NTAQ1: variants seen among roughly 807,000 people sequenced by gnomAD.
NTAQ1 encodes the protein N-terminal glutamine amidase 1, also known as protein N-terminal glutamine amidohydrolase.
A neutral mutation model predicts 28.2 loss-of-function variants in NTAQ1; 21 were observed. The ratio of observed to expected loss-of-function variants is 0.74; its 90% CI spans 0.53 to 1.07. NTAQ1 has a LOEUF of 1.07. NTAQ1 is among the 50% of genes least tolerant of loss of function. The probability of loss-of-function intolerance (pLI) is 0.00; values close to 1 mark genes in which losing one functional copy is unlikely to be tolerated. For synonymous variants in NTAQ1, 105 were observed against 90.0 expected, an observed-to-expected ratio of 1.17 and a Z score of -0.94; for missense variants, 264 against 256.6, an observed-to-expected ratio of 1.03 and a Z score of -0.20.
At chr8:123,472,842 G>T (rs2130450328), downstream of NTAQ1, among the ~76,000 whole-genome samples, 1 of 152,312 alleles carries the variant, frequency 6.6e-6, no homozygotes, top group South Asian at 2.1e-4. Context: ...CCAGATCACT[G>T]TTAAGTGGTT....
intron 6 of NTAQ1, among the ~76,000 whole-genome samples, chr8:123,464,874 C>G (rs1282915260): frequency 1.3e-5 from 2 of 152,114 alleles, no homozygotes; most frequent in East Asian, 3.8e-4. Context: ...CCTGTCTCTA[C>G]TAAAAATATA....
chr8:123,422,468 G>T (rs1345936828), intron 1 of NTAQ1, among the ~76,000 whole-genome samples: 1 of 151,528 alleles, frequency 6.6e-6, no homozygotes, highest in East Asian at 1.9e-4. Context: ...GTGGAGACAG[G>T]GTCTCTCTAT....
chr8:123,450,901 C>T (rs1815471274), downstream of NTAQ1, among the ~76,000 whole-genome samples: 1 of 152,194 alleles, frequency 6.6e-6, no homozygotes, highest in Non-Finnish European at 1.5e-5. Flanking sequence ...CTATCTCATT[C>T]CCGTTTTCAA....
At chr8:123,466,798 C>T (rs1393332375) in intron 6 of NTAQ1, among the ~76,000 whole-genome samples, 1 of 152,140 alleles carries the variant, frequency 6.6e-6, no homozygotes, top group Non-Finnish European at 1.5e-5. Flanking sequence ...TTTGAGGAAC[C>T]TCCATTCTGT....
intron 2 of NTAQ1, 81 bp downstream of exon 2, chr8:123,428,104 A>G (rs1322111301): frequency 8.1e-6 from 7 of 864,542 alleles, no homozygotes; most frequent in Non-Finnish European, 5.3e-6. Context: ...AAAAAGCTAA[A>G]TATAGCATGG....
rs747340200 is a variant in NTAQ1, at chr8:123,436,619, G to A, written c.383+18G>A. 6.3e-7 allele frequency: 1 copy of A among 1,598,360 alleles called. No individual in the cohort carries two copies. Among genetic ancestry groups the A allele is most frequent in the South Asian group, 1.1e-5 (1 of 87,294 alleles). ...TTTAGGAGGTGAGGACATTCAAGAT[G>A]GATTTACTTATTTTCTGAAGTAAGA... is the stretch of plus-strand genomic sequence containing the variant. On this transcript the variant is annotated intron_variant, in intron 4 of 5. Coordinates refer to ENST00000287387, the MANE Select transcript of NTAQ1 (RefSeq NM_018024.3).
chr8:123,458,617 ACTTT>A (rs1243790693), intron 6 of NTAQ1, among the ~76,000 whole-genome samples: 3 of 150,548 alleles, frequency 2.0e-5, no homozygotes, highest in East Asian at 2.0e-4. Context: ...AATAGTTGGT[ACTTT>A]CTTTCTTTTT....
At chr8:123,424,393 C>CG in intron 1 of NTAQ1, among the ~76,000 whole-genome samples, 1 of 152,248 alleles carries the variant, frequency 6.6e-6, no homozygotes, top group Non-Finnish European at 1.5e-5. Context: ...CAGGTGCCTG[C>CG]CACCACACCC....
downstream of NTAQ1, among the ~76,000 whole-genome samples, chr8:123,451,670 A>G (rs1454225231): frequency 6.6e-6 from 1 of 152,134 alleles, no homozygotes; most frequent in African/African-American, 2.4e-5. Flanking sequence ...CCTCCATTGG[A>G]CTGTGAGTCC....
intron 1 of NTAQ1, 92 bp downstream of exon 1, chr8:123,417,024 G>A: frequency 7.9e-7 from 1 of 1,269,094 alleles, no homozygotes; most frequent in Non-Finnish European, 1.0e-6. Context: ...CCTCCTCGGG[G>A]GCGCTCCCGG....
At chr8:123,457,679 C>A (rs1815687828) in intron 6 of NTAQ1, among the ~76,000 whole-genome samples, 2 of 152,076 alleles carry the variant, frequency 1.3e-5, no homozygotes, top group Non-Finnish European at 2.9e-5. Flanking sequence ...GGGAGGGAAA[C>A]TTCATTGTGT....
chr8:123,469,276 A>G (rs1816019011), exon 7 of NTAQ1, among the ~76,000 whole-genome samples: 1 of 152,206 alleles, frequency 6.6e-6, no homozygotes, highest in African/African-American at 2.4e-5. Flanking sequence ...ATTTAGTGTC[A>G]TACCAAGAAA....
chr8:123,473,669 T>TA (rs1274019226), downstream of NTAQ1, among the ~76,000 whole-genome samples: 1 of 152,204 alleles, frequency 6.6e-6, no homozygotes, highest in African/African-American at 2.4e-5. Context: ...ATGTAGCACA[T>TA]ATATTCAACA....
chr8:123,449,905 G>A (rs1815425469), downstream of NTAQ1, among the ~76,000 whole-genome samples: 1 of 56,294 alleles, frequency 1.8e-5, no homozygotes, highest in Non-Finnish European at 3.2e-5. Flanking sequence ...CTCTCCATAT[G>A]TATATATGTG....
downstream of NTAQ1, among the ~76,000 whole-genome samples, chr8:123,445,234 A>G (rs1346412548): frequency 6.6e-6 from 1 of 151,968 alleles, no homozygotes; most frequent in Non-Finnish European, 1.5e-5. Context: ...TTCTATGTAA[A>G]CATATAGGTA....
intron 1 of NTAQ1, among the ~76,000 whole-genome samples, chr8:123,423,997 C>T (rs1430708232): frequency 6.6e-6 from 1 of 151,202 alleles, no homozygotes; most frequent in African/African-American, 2.4e-5. Context: ...AGTCTTGTGC[C>T]TCAGCCTCCT....
chr8:123,468,312 C>T (rs1376439454), exon 7 of NTAQ1, among the ~76,000 whole-genome samples: 1 of 152,344 alleles, frequency 6.6e-6, no homozygotes, highest in South Asian at 2.1e-4. Context: ...TGCCACAGAT[C>T]TCCAGAAGTT....
In NTAQ1 at chr8:123,440,863, C is replaced by T. The variant is rs1012887223; in HGVS notation, c.509-443C>T. On this transcript the variant is annotated intron_variant, in intron 5 of 5. Transcript: ENST00000287387. ...TACTCTGACATGACCCTTCTGAGGA[C>T]GCTACTGAACGCTGCATGTTACGAG... 3.3e-5 allele frequency among the ~76,000 whole-genome samples: 5 copies of T among 152,248 alleles called. No individual in the cohort carries two copies. In the East Asian group the frequency reaches 7.7e-4, roughly 24 times the overall value.
chr8:123,448,008 G>T (rs7012343), intron 6 of NTAQ1: 1 of 152,082 alleles, frequency 6.6e-6, no homozygotes, highest in South Asian at 2.1e-4. Flanking sequence ...TGTGAAACTC[G>T]TGCCCACTCC....
Sources: allele counts gnomAD v4.1 joint callset (sites outside exome capture counted in the v4.1 genomes callset), GRCh38; gene constraint gnomAD v4.1.1; transcripts MANE v1.5; gene names NCBI Gene and HGNC (gene_info 2026-07-23, HGNC 2026-07-21).